CDR2: variants seen among roughly 807,000 people sequenced by gnomAD.
CDR2 encodes the protein cerebellar degeneration related protein 2.
In CDR2, 34 loss-of-function variants were observed where a neutral mutation model predicts 48.4. The observed-to-expected ratio is 0.70, with a 90% CI of 0.53 to 0.94. CDR2 has a LOEUF of 0.94. Among genes scored for constraint, CDR2 ranks in the 40% least tolerant of loss-of-function variants. The probability of loss-of-function intolerance (pLI) is 0.00; values close to 1 mark genes in which losing one functional copy is unlikely to be tolerated. For missense variants in CDR2, 498 were observed against 549.5 expected (o/e 0.91, Z 0.94); for synonymous variants, 240 against 219.7 (o/e 1.09, Z -0.82).
chr16:22,372,881 G>GT (rs1237423005), intron 1 of CDR2, among the ~76,000 whole-genome samples: 5 of 152,128 alleles, frequency 3.3e-5, no homozygotes, highest in African/African-American at 4.8e-5. Flanking sequence ...CTTCTGCCAT[G>GT]TTCAGTGGTT....
At chr16:22,358,647 A>T (rs2048992054) in intron 2 of CDR2, among the ~76,000 whole-genome samples, 1 of 152,232 alleles carries the variant, frequency 6.6e-6, no homozygotes, top group African/African-American at 2.4e-5. Flanking sequence ...CCTGAAATTA[A>T]GGATTACAGC....
At chr16:22,362,432 G>A (rs760436729) in intron 2 of CDR2, among the ~76,000 whole-genome samples, 13 of 152,062 alleles carry the variant, frequency 8.5e-5, no homozygotes, top group Non-Finnish European at 1.6e-4. Context: ...CTAATCAATA[G>A]GCATCATTCT....
chr16:22,374,175 A>G (rs2049100547), intron 1 of CDR2, 56 bp downstream of exon 1: 1 of 1,161,752 alleles, frequency 8.6e-7, no homozygotes, highest in East Asian at 2.7e-5. Context: ...ACAGTTTCGC[A>G]GCGGGGGCCT....
At chr16:22,354,665 A>C (rs1157404050) in intron 2 of CDR2, among the ~76,000 whole-genome samples, 1 of 151,818 alleles carries the variant, frequency 6.6e-6, no homozygotes, top group Non-Finnish European at 1.5e-5. Flanking sequence ...AGGCGGGTGG[A>C]TCACTTGAGG....
chr16:22,354,354 C>T (rs569732440), intron 2 of CDR2, among the ~76,000 whole-genome samples: 2 of 152,298 alleles, frequency 1.3e-5, no homozygotes, highest in East Asian at 1.9e-4. Context: ...TGCTCACCGT[C>T]TCCCTGCATA....
intron 2 of CDR2, among the ~76,000 whole-genome samples, chr16:22,364,019 G>A (rs989544409): frequency 1.3e-5 from 2 of 152,068 alleles, no homozygotes; most frequent in African/African-American, 4.8e-5. Flanking sequence ...GCTCACTGTA[G>A]CCTTGACTTC....
Position 22,347,643 on chromosome 16 carries a change from C to T in CDR2, c.687G>A (p.Glu229=). 1.9e-6 allele frequency: 3 copies of T among 1,614,166 alleles called. No homozygotes were observed. The highest frequency in any genetic ancestry group is 4.5e-5 in the East Asian group (2 of 44,874). Reference sequence around the variant, plus strand: ...CCAGCTGCTGCTCCAGTTCACTGTTCTCCTTTAACACGAGCCCATATTCCT... The same window carrying T: ...CCAGCTGCTGCTCCAGTTCACTGTTTTCCTTTAACACGAGCCCATATTCCT... ...MEEEYGLVLK[E]NSELEQQLGA... is the part of the protein sequence containing the mutation. Residue 229 remains glutamate (E), a synonymous_variant, in exon 5 of 5, where the codon GAG becomes GAA. Coordinates refer to ENST00000268383, the MANE Select transcript of CDR2 (RefSeq NM_001802.2).
intron 1 of CDR2, among the ~76,000 whole-genome samples, chr16:22,370,650 C>T (rs147095684): frequency 2.5e-4 from 38 of 152,314 alleles, no homozygotes; most frequent in African/African-American, 8.2e-4. Flanking sequence ...GCCAACTCAG[C>T]TCTCTGACAA....
chr16:22,360,983 C>T (rs994347604), intron 2 of CDR2, among the ~76,000 whole-genome samples: 1 of 151,986 alleles, frequency 6.6e-6, no homozygotes, highest in African/African-American at 2.4e-5. Context: ...CTCCTGACCT[C>T]AGTGATCCAT....
intron 1 of CDR2, among the ~76,000 whole-genome samples, chr16:22,373,222 C>A (rs1598298520): frequency 6.6e-6 from 1 of 152,138 alleles, no homozygotes; most frequent in Non-Finnish European, 1.5e-5. Context: ...AAACAGGGGC[C>A]CCACTGGCCC....
intron 2 of CDR2, among the ~76,000 whole-genome samples, chr16:22,358,204 A>T (rs2048988838): frequency 6.6e-6 from 1 of 152,186 alleles, no homozygotes; most frequent in Non-Finnish European, 1.5e-5. Context: ...CTCAAGGTAC[A>T]GACATGCTGC....
In CDR2 at chr16:22,347,544, C is replaced by A; in HGVS notation, c.786G>T (p.Gln262His). The A allele has an allele frequency of 1.9e-6, 3 of 1,614,170 alleles. No homozygotes were observed. The highest frequency in any genetic ancestry group is 3.3e-4 in the Middle Eastern group (2 of 6,062). Residue 262 changes from glutamine (Q) to histidine (H), a missense_variant, in exon 5 of 5, where the codon CAG (glutamine) becomes CAT (histidine). Coordinates refer to ENST00000268383, the MANE Select transcript of CDR2 (RefSeq NM_001802.2). ...AEVAEMRQML[Q>H]SEHPFVNGVE... ...CTCCATTCACAAATGGATGCTCTGA[C>A]TGCAACATCTGTCGCATCTCTGCCA...
At chr16:22,362,621 G>GTC (rs1291278808) in intron 2 of CDR2, among the ~76,000 whole-genome samples, 4 of 152,196 alleles carry the variant, frequency 2.6e-5, no homozygotes, top group Admixed American at 6.5e-5. Flanking sequence ...TTAAGACTAT[G>GTC]TCTCTACACA....
At position 22,347,135 on chromosome 16, in the gene CDR2, C is replaced by A; in HGVS notation, c.1195G>T (p.Val399Phe). ...LTGVNAQSEP[V>F]ASGWELASVN... ...GAGGCCAGTTCCCAGCCGCTGGCAACAGGCTCAGACTGGGCGTTCACTCCA... is the reference window on the plus strand; with the variant it reads ...GAGGCCAGTTCCCAGCCGCTGGCAAAAGGCTCAGACTGGGCGTTCACTCCA... The change falls in exon 5 of 5, where the codon GTT becomes TTT. Residue 399 changes from valine to phenylalanine, a missense_variant. By Grantham distance (50) the Val-to-Phe change is conservative. Coordinates refer to ENST00000268383, the MANE Select transcript of CDR2 (RefSeq NM_001802.2). 6.2e-7 allele frequency: 1 copy of A among 1,614,256 alleles called. No homozygotes were observed. The highest frequency in any genetic ancestry group is 1.6e-4 in the Middle Eastern group (1 of 6,062).
At chr16:22,359,038 G>GT (rs1384237839) in intron 2 of CDR2, among the ~76,000 whole-genome samples, 2 of 152,134 alleles carry the variant, frequency 1.3e-5, no homozygotes, top group African/African-American at 4.8e-5. Context: ...ATTACACATT[G>GT]TATGCTTGTA....
intron 2 of CDR2, among the ~76,000 whole-genome samples, chr16:22,364,090 C>T (rs906800237): frequency 1.3e-5 from 2 of 152,144 alleles, no homozygotes; most frequent in African/African-American, 4.8e-5. Flanking sequence ...CAGGCACACG[C>T]CACCACACCA....
At chr16:22,349,464 C>T in intron 3 of CDR2, 21 bp from the exon 4 acceptor site, 2 of 1,613,374 alleles carry the variant, frequency 1.2e-6, no homozygotes, top group Non-Finnish European at 1.7e-6. Flanking sequence ...CAGACAGAAG[C>T]CACTGCTGCT....
chr16:22,347,489 C>T lies in CDR2; in HGVS notation c.841G>A (p.Val281Ile). 1.2e-6 allele frequency: 2 copies of T among 1,614,098 alleles called. No homozygotes were observed. The highest frequency in any genetic ancestry group is 1.7e-6 in the Non-Finnish European group (2 of 1,180,044). ...VEKLVPDSLYVPFKEPSQSLL... is the reference protein window; with the variant it reads ...VEKLVPDSLYIPFKEPSQSLL... ...CTCTGGCTGGGCTCTTTGAAAGGAA[C>T]ATACAGAGAGTCTGGCACCAGCTTC... is the stretch of plus-strand genomic sequence containing the variant. The change falls in exon 5 of 5, where the codon GTT becomes ATT. Residue 281 changes from valine (V) to isoleucine (I), a missense_variant. Physicochemically the swap from Val to Ile is conservative, Grantham distance 29 (BLOSUM62 3). Transcript: ENST00000268383.
At chr16:22,371,209 CAAAA>C (rs895202260) in intron 1 of CDR2, among the ~76,000 whole-genome samples, 1 of 117,156 alleles carries the variant, frequency 8.5e-6, no homozygotes, top group African/African-American at 3.2e-5. Context: ...GACTCCACCT[CAAAA>C]AAAAAAAAAA....
Sources: allele counts gnomAD v4.1 joint callset (sites outside exome capture counted in the v4.1 genomes callset), GRCh38; gene constraint gnomAD v4.1.1; transcripts MANE v1.5; gene names NCBI Gene and HGNC (gene_info 2026-07-23, HGNC 2026-07-21).